Variants in ERBB4 observed in about 807,000 individuals in gnomAD.
The protein encoded by ERBB4 is receptor tyrosine-protein kinase erbB-4.
A neutral mutation model predicts 158.0 loss-of-function variants in ERBB4; 42 were observed. That is an observed-to-expected ratio of 0.27 (90% confidence interval 0.21 to 0.34). The LOEUF is 0.34. ERBB4 is among the 10% of genes least tolerant of loss of function. The probability of loss-of-function intolerance (pLI) is 1.00; values close to 1 mark genes in which losing one functional copy is unlikely to be tolerated. For missense variants in ERBB4, 1,333 were observed against 1,624.1 expected, an observed-to-expected ratio of 0.82 and a Z score of 3.08; for synonymous variants, 583 against 558.7, an observed-to-expected ratio of 1.04 and a Z score of -0.61.
intron 4 of ERBB4, among the ~76,000 whole-genome samples, chr2:211,755,338 C>CA (rs1366420377): frequency 6.6e-6 from 1 of 151,694 alleles, no homozygotes; most frequent in Non-Finnish European, 1.5e-5. Context: ...CCGGCCTCTA[C>CA]AAAAAATGCA....
intron 1 of ERBB4, among the ~76,000 whole-genome samples, chr2:212,528,788 G>C (rs967397513): frequency 3.3e-5 from 5 of 152,110 alleles, no homozygotes; most frequent in Non-Finnish European, 7.4e-5. Context: ...AGAACGTAGA[G>C]TGAATCATCT....
intron 5 of ERBB4, among the ~76,000 whole-genome samples, chr2:211,727,916 A>G (rs865966406): frequency 1.1e-4 from 17 of 151,956 alleles, no homozygotes; most frequent in African/African-American, 4.1e-4. Context: ...GAAGATTTGG[A>G]AAATAATCAA....
chr2:212,346,158 A>T (rs1173733222), intron 1 of ERBB4, among the ~76,000 whole-genome samples: 1 of 152,198 alleles, frequency 6.6e-6, no homozygotes, highest in Non-Finnish European at 1.5e-5. Context: ...GCAGATAAAA[A>T]GCTCACAGCC....
intron 5 of ERBB4, among the ~76,000 whole-genome samples, chr2:211,735,484 G>C (rs1414661285): frequency 2.0e-5 from 3 of 152,110 alleles, no homozygotes; most frequent in Non-Finnish European, 2.9e-5. Flanking sequence ...GATAGTTTTG[G>C]AAACTGTTTT....
chr2:212,136,851 T>A (rs528582924), intron 1 of ERBB4, among the ~76,000 whole-genome samples: 6 of 152,300 alleles, frequency 3.9e-5, no homozygotes, highest in Non-Finnish European at 8.8e-5. Context: ...TTTACTGTTA[T>A]CTTCAGATGA....
intron 1 of ERBB4, among the ~76,000 whole-genome samples, chr2:212,223,179 G>A (rs935036544): frequency 1.3e-5 from 2 of 151,020 alleles, no homozygotes; most frequent in African/African-American, 4.8e-5. Context: ...ATTTCTATTT[G>A]TTAAATCTGG....
At chr2:212,390,452 T>C (rs1007093460) in intron 1 of ERBB4, among the ~76,000 whole-genome samples, 4 of 151,940 alleles carry the variant, frequency 2.6e-5, no homozygotes, top group East Asian at 1.9e-4. Context: ...AAAAATCATA[T>C]ATAAAGTCTT....
intron 1 of ERBB4, among the ~76,000 whole-genome samples, chr2:212,468,576 C>T (rs1316884772): frequency 1.3e-5 from 2 of 152,174 alleles, no homozygotes; most frequent in Non-Finnish European, 2.9e-5. Context: ...AACTGTAAGT[C>T]CAATAAACTT....
intron 3 of ERBB4, among the ~76,000 whole-genome samples, chr2:211,841,430 C>T (rs768679063): frequency 7.2e-5 from 11 of 151,974 alleles, no homozygotes; most frequent in African/African-American, 2.2e-4. Flanking sequence ...TCATGAAATG[C>T]TTTAAGAAAG....
intron 1 of ERBB4, among the ~76,000 whole-genome samples, chr2:212,477,622 T>A (rs960733412): frequency 3.3e-5 from 5 of 152,182 alleles, no homozygotes; most frequent in Admixed American, 2.0e-4. Context: ...AAAGCAATGT[T>A]CCCTTCTTGA....
At chr2:211,450,785 G>A (rs1239421667) in intron 20 of ERBB4, among the ~76,000 whole-genome samples, 1 of 152,028 alleles carries the variant, frequency 6.6e-6, no homozygotes. Flanking sequence ...CCCTTACCCT[G>A]CTTTATTTTT....
intron 3 of ERBB4, among the ~76,000 whole-genome samples, chr2:211,830,804 T>C (rs535762524): frequency 8.8e-4 from 134 of 152,218 alleles, no homozygotes; most frequent in Non-Finnish European, 1.6e-3. Flanking sequence ...TTCATCTACG[T>C]GATCTTTTAA....
intron 3 of ERBB4, among the ~76,000 whole-genome samples, chr2:211,921,389 A>C (rs1453789704): frequency 6.6e-6 from 1 of 152,040 alleles, no homozygotes; most frequent in Middle Eastern, 3.2e-3. Flanking sequence ...GGTTAGGATA[A>C]GACTTGTTTT....
chr2:212,124,460 A>G, intron 2 of ERBB4: 2 of 405,248 alleles, frequency 4.9e-6, no homozygotes, highest in East Asian at 1.1e-4. Flanking sequence ...CTCCTAGTTC[A>G]CAGCTTGTCA....
At chr2:211,732,424 AC>A (rs1479625712) in intron 5 of ERBB4, among the ~76,000 whole-genome samples, 1 of 152,178 alleles carries the variant, frequency 6.6e-6, no homozygotes, top group East Asian at 1.9e-4. Flanking sequence ...CTAAATGACC[AC>A]AATCATACAC....
intron 20 of ERBB4, among the ~76,000 whole-genome samples, chr2:211,549,809 G>C (rs994117948): frequency 6.6e-6 from 1 of 152,156 alleles, no homozygotes; most frequent in Admixed American, 6.5e-5. Flanking sequence ...GCTGTGATGG[G>C]AGTGAACCAG....
chr2:212,235,286 A>T (rs1221386239), intron 1 of ERBB4, among the ~76,000 whole-genome samples: 1 of 152,142 alleles, frequency 6.6e-6, no homozygotes, highest in African/African-American at 2.4e-5. Flanking sequence ...AGATGATTGT[A>T]TATGTGTGGC....
intron 19 of ERBB4, among the ~76,000 whole-genome samples, chr2:211,586,149 T>C (rs535066890): frequency 3.9e-5 from 6 of 152,106 alleles, no homozygotes; most frequent in Admixed American, 2.6e-4. Flanking sequence ...TTCCACCCAA[T>C]TAAGAAAAAG....
intron 25 of ERBB4, among the ~76,000 whole-genome samples, chr2:211,409,227 T>C (rs908723109): frequency 1.3e-5 from 2 of 152,078 alleles, no homozygotes; most frequent in Non-Finnish European, 2.9e-5. Context: ...AAACCTTACT[T>C]TTTACCATGT....
Sources: allele counts gnomAD v4.1 joint callset (sites outside exome capture counted in the v4.1 genomes callset), GRCh38; gene constraint gnomAD v4.1.1; transcripts MANE v1.5; gene names NCBI Gene and HGNC (gene_info 2026-07-23, HGNC 2026-07-21).